The following GDPD4 variants were observed in gnomAD, a reference collection of about 807,000 sequenced individuals.
The protein encoded by GDPD4 is glycerophosphodiester phosphodiesterase domain containing 4, also known as glycerophosphodiester phosphodiesterase 6.
GDPD4 carries 60 observed loss-of-function variants against 67.8 expected under a neutral mutation model. The ratio of observed to expected loss-of-function variants is 0.88; its 90% CI spans 0.72 to 1.10. The LOEUF (loss-of-function observed/expected upper bound fraction) is 1.10. Ranked by LOEUF, GDPD4 falls within the 50% of genes least tolerant of loss-of-function variation. The pLI, the probability that GDPD4 is intolerant of heterozygous loss-of-function variation, is 0.00. For synonymous variants in GDPD4, 212 were observed against 210.9 expected (o/e 1.00, Z -0.04); for missense variants, 623 against 613.9 (o/e 1.01, Z -0.16).
intron 1 of GDPD4, among the ~76,000 whole-genome samples, chr11:77,296,413 CG>C (rs951424668): frequency 8.3e-4 from 125 of 150,788 alleles, no homozygotes; most frequent in African/African-American, 2.9e-3. Flanking sequence ...CTCCACCTCC[CG>C]GGTTCAAGCA....
chr11:77,223,018 CTGAAGCTTG>C (rs1958257687), intron 16 of GDPD4, among the ~76,000 whole-genome samples: 1 of 152,200 alleles, frequency 6.6e-6, no homozygotes, highest in Admixed American at 6.5e-5. Context: ...AAATCAGCTA[CTGAAGCTTG>C]TGCATGTGTC....
intron 5 of GDPD4, among the ~76,000 whole-genome samples, chr11:77,274,583 G>A (rs577898451): frequency 1.2e-4 from 19 of 152,190 alleles, no homozygotes; most frequent in African/African-American, 4.1e-4. Context: ...GCTTCCTGAG[G>A]CCCTCACCAG....
At chr11:77,245,696 T>G (rs1958768263) in intron 11 of GDPD4, among the ~76,000 whole-genome samples, 194 bp from the exon 12 acceptor site, 1 of 152,212 alleles carries the variant, frequency 6.6e-6, no homozygotes, top group Admixed American at 6.5e-5. Context: ...GTGTTTGGAA[T>G]GGTCTCTTCT....
chr11:77,218,830 A>C (rs561280579), intron 16 of GDPD4, among the ~76,000 whole-genome samples: 1 of 58,920 alleles, frequency 1.7e-5, no homozygotes, highest in African/African-American at 5.2e-5. Context: ...TGCTATTGTG[A>C]ATAGTGCCGC....
At chr11:77,268,783 C>A (rs1959191115) in intron 9 of GDPD4, 141 bp downstream of exon 9, 1 of 915,080 alleles carries the variant, frequency 1.1e-6, no homozygotes, top group South Asian at 1.6e-5. Flanking sequence ...CAAGTCCAGC[C>A]TTTACAATGA....
chr11:77,279,599 T>TG (rs1959663118), intron 3 of GDPD4, among the ~76,000 whole-genome samples, 200 bp from the exon 4 acceptor site: 1 of 151,790 alleles, frequency 6.6e-6, no homozygotes, highest in African/African-American at 2.4e-5. Flanking sequence ...GGGATGTTCA[T>TG]GGGGTCTGTA....
At chr11:77,246,141 C>G (rs914968802) in intron 11 of GDPD4, among the ~76,000 whole-genome samples, 4 of 152,062 alleles carry the variant, frequency 2.6e-5, no homozygotes, top group Non-Finnish European at 5.9e-5. Context: ...TTTAAAATAG[C>G]TGGGTGTGGA....
chr11:77,253,415 G>T (rs1336674515), intron 11 of GDPD4, among the ~76,000 whole-genome samples: 1 of 152,136 alleles, frequency 6.6e-6, no homozygotes, highest in African/African-American at 2.4e-5. Flanking sequence ...CCCCAGTATG[G>T]CTGTTGTTTG....
intron 13 of GDPD4, among the ~76,000 whole-genome samples, chr11:77,243,374 T>A (rs751788287): frequency 9.2e-5 from 14 of 152,172 alleles, no homozygotes; most frequent in Non-Finnish European, 1.8e-4. Context: ...AGTTCTGACT[T>A]TTCAACGTCC....
At chr11:77,277,273 T>TCC (rs919673762) in intron 4 of GDPD4, among the ~76,000 whole-genome samples, 21 of 149,768 alleles carry the variant, frequency 1.4e-4, no homozygotes, top group Non-Finnish European at 2.7e-4. Context: ...ATAGCCACCC[T>TCC]CCAAACCACA....
chr11:77,294,395 C>T (rs1362137489), intron 1 of GDPD4, among the ~76,000 whole-genome samples: 1 of 152,112 alleles, frequency 6.6e-6, no homozygotes, highest in Non-Finnish European at 1.5e-5. Flanking sequence ...CAAACACATA[C>T]TTAGGTATAA....
chr11:77,277,850 C>A (rs1959562840), intron 4 of GDPD4, among the ~76,000 whole-genome samples: 1 of 151,646 alleles, frequency 6.6e-6, no homozygotes, highest in Admixed American at 6.6e-5. Context: ...TTAGATCTTT[C>A]CTGCTTTCTC....
intron 1 of GDPD4, among the ~76,000 whole-genome samples, chr11:77,293,616 T>G (rs2135895945): frequency 6.6e-6 from 1 of 151,542 alleles, no homozygotes; most frequent in South Asian, 2.1e-4. Flanking sequence ...ATCAATAAAC[T>G]TAACCATACT....
intron 11 of GDPD4, among the ~76,000 whole-genome samples, 167 bp from the exon 12 acceptor site, chr11:77,245,669 C>A (rs936397952): frequency 2.6e-5 from 4 of 152,130 alleles, no homozygotes; most frequent in African/African-American, 7.2e-5. Flanking sequence ...AAAATGTAAT[C>A]ATCATCAATA....
At chr11:77,237,898 G>A (rs1409732992) in intron 13 of GDPD4, among the ~76,000 whole-genome samples, 1 of 152,170 alleles carries the variant, frequency 6.6e-6, no homozygotes, top group African/African-American at 2.4e-5. Context: ...TACAAACTGA[G>A]TGACAGAGTG....
At chr11:77,244,688 A>C (rs1958746667) in intron 12 of GDPD4, among the ~76,000 whole-genome samples, 1 of 152,136 alleles carries the variant, frequency 6.6e-6, no homozygotes, top group African/African-American at 2.4e-5. Context: ...TATTTAAAAA[A>C]AATCATCTTT....
intron 11 of GDPD4, among the ~76,000 whole-genome samples, chr11:77,248,343 C>T (rs1239639628): frequency 6.6e-6 from 1 of 151,802 alleles, no homozygotes; most frequent in East Asian, 2.0e-4. Flanking sequence ...GCTGGGATTA[C>T]AGGCATGCAC....
At chr11:77,226,044 CAG>C (rs1045530614) in intron 16 of GDPD4, among the ~76,000 whole-genome samples, 23 of 152,278 alleles carry the variant, frequency 1.5e-4, no homozygotes, top group African/African-American at 4.8e-4. Context: ...CTCTTAAAAA[CAG>C]AAAATCCTTC....
Position 77,276,243 on chromosome 11 carries a change from G to A in GDPD4, c.148-23C>T, listed in dbSNP as rs776004173. On this transcript the variant is annotated intron_variant, in intron 4 of 16. Transcript: ENST00000315938. ...TAACTGCAAAAGCAAAGAAGAAAAA[G>A]AGAGTTATTTTGAAATCACCAAGTT... 8 of 1,606,438 alleles carry A rather than the reference G, an allele frequency of 5.0e-6. No homozygotes were observed. The Admixed American group carries it at 1.2e-4, about 23-fold the overall frequency.
Sources: allele counts gnomAD v4.1 joint callset (sites outside exome capture counted in the v4.1 genomes callset), GRCh38; gene constraint gnomAD v4.1.1; transcripts MANE v1.5; gene names NCBI Gene and HGNC (gene_info 2026-07-23, HGNC 2026-07-21).